The following RSU1 variants were observed in gnomAD, a reference collection of about 807,000 sequenced individuals.
RSU1 encodes rsu-1.
RSU1 carries 26 observed loss-of-function variants against 31.1 expected under a neutral mutation model. That is an observed-to-expected ratio of 0.84 (90% confidence interval 0.61 to 1.16). The LOEUF (loss-of-function observed/expected upper bound fraction) is 1.16. RSU1 is among the 50% of genes most tolerant of loss of function. RSU1 has a pLI of 0.00. For missense variants in RSU1, 320 were observed against 339.1 expected (o/e 0.94, Z 0.44); for synonymous variants, 164 against 136.3 (o/e 1.20, Z -1.41).
intron 2 of RSU1, among the ~76,000 whole-genome samples, chr10:16,790,388 G>A (rs1222472947): frequency 2.0e-5 from 3 of 152,190 alleles, no homozygotes; most frequent in Admixed American, 2.0e-4. Context: ...TTACGGAACA[G>A]AGAATATGGA....
intron 3 of RSU1, among the ~76,000 whole-genome samples, chr10:16,771,264 T>C (rs964775417): frequency 5.3e-5 from 8 of 152,292 alleles, no homozygotes; most frequent in South Asian, 2.1e-4. Flanking sequence ...AAAGCAAACA[T>C]TTCCTTGCCC....
intron 8 of RSU1, among the ~76,000 whole-genome samples, chr10:16,607,229 G>A (rs1833820381): frequency 6.6e-6 from 1 of 152,116 alleles, no homozygotes; most frequent in Non-Finnish European, 1.5e-5. Context: ...CTTCCACCAT[G>A]ATTCTAAGTT....
chr10:16,814,453 AAAAAAAAAAAAAAAAG>A (rs1355973044), intron 2 of RSU1, among the ~76,000 whole-genome samples: 1 of 142,954 alleles, frequency 7.0e-6, no homozygotes, highest in African/African-American at 2.7e-5. Flanking sequence ...GTTTTCAGGA[AAAAAAAAAAAAAAAAG>A]AAAAAAAAAT....
chr10:16,789,466 G>A (rs1031109653), intron 2 of RSU1, among the ~76,000 whole-genome samples: 20 of 152,158 alleles, frequency 1.3e-4, no homozygotes, highest in African/African-American at 3.9e-4. Context: ...CACAAAGCCC[G>A]GTCAGGCAAA....
intron 2 of RSU1, among the ~76,000 whole-genome samples, chr10:16,789,248 G>A (rs968952821): frequency 8.5e-5 from 13 of 152,172 alleles, no homozygotes; most frequent in Middle Eastern, 3.4e-3. Flanking sequence ...AAATTCAGTC[G>A]TTGCTTCAGC....
At chr10:16,810,128 G>A (rs561850890) in intron 2 of RSU1, among the ~76,000 whole-genome samples, 1 of 152,204 alleles carries the variant, frequency 6.6e-6, no homozygotes, top group South Asian at 2.1e-4. Flanking sequence ...CTACTCCAGA[G>A]GCCAAGGCAG....
At chr10:16,731,692 G>A (rs905498731) in intron 7 of RSU1, among the ~76,000 whole-genome samples, 3 of 151,960 alleles carry the variant, frequency 2.0e-5, no homozygotes, top group Non-Finnish European at 2.9e-5. Flanking sequence ...TTCGTTAATC[G>A]ATATTCTAAA....
intron 7 of RSU1, among the ~76,000 whole-genome samples, chr10:16,750,421 A>G (rs1009757992): frequency 2.0e-5 from 3 of 152,206 alleles, no homozygotes; most frequent in African/African-American, 4.8e-5. Flanking sequence ...AAAAATATAC[A>G]TGATTTGTTA....
chr10:16,704,689 T>G (rs1347015325), intron 7 of RSU1, among the ~76,000 whole-genome samples: 1 of 152,238 alleles, frequency 6.6e-6, no homozygotes, highest in Non-Finnish European at 1.5e-5. Context: ...CTGCAGAAAT[T>G]TTATTTTTAA....
chr10:16,796,970 C>G lies in RSU1; in HGVS notation c.110-14886G>C, dbSNP rs140587710. ...GAGAACCCAAGGGGCAACTAACAAA[C>G]TTGACAACTGAGAACCCCCGAATAG... On this transcript the variant is annotated intron_variant, in intron 2 of 8. Transcript: ENST00000345264. Among the ~76,000 whole-genome samples, 518 of 152,334 alleles carry G rather than the reference C, an allele frequency of 3.4e-3. 4 individuals are homozygous for G. Among genetic ancestry groups the G allele is most frequent in the African/African-American group, 0.012 (504 of 41,572 alleles).
At chr10:16,672,890 T>A (rs972239203) in intron 8 of RSU1, among the ~76,000 whole-genome samples, 1 of 152,226 alleles carries the variant, frequency 6.6e-6, no homozygotes. Flanking sequence ...ATGCCAATTG[T>A]TGTCAAATAA....
chr10:16,722,616 A>G (rs1366872289), intron 7 of RSU1, among the ~76,000 whole-genome samples: 1 of 152,164 alleles, frequency 6.6e-6, no homozygotes, highest in African/African-American at 2.4e-5. Flanking sequence ...ATGAGTGAAG[A>G]AATCCAAAAT....
chr10:16,619,190 G>A (rs1474105447), intron 8 of RSU1, among the ~76,000 whole-genome samples: 9 of 152,218 alleles, frequency 5.9e-5, no homozygotes, highest in African/African-American at 2.2e-4. Context: ...GCCTGCTTCA[G>A]AAAAATATTA....
chr10:16,661,283 A>AGTGC (rs772847598), intron 8 of RSU1, among the ~76,000 whole-genome samples: 4 of 115,834 alleles, frequency 3.5e-5, no homozygotes, highest in Admixed American at 1.0e-4. Flanking sequence ...ATATGTAGAG[A>AGTGC]GTGCGTGTGT....
At chr10:16,718,097 T>TAAG (rs1554768708) in intron 7 of RSU1, among the ~76,000 whole-genome samples, 2 of 136,202 alleles carry the variant, frequency 1.5e-5, no homozygotes, top group Non-Finnish European at 3.1e-5. Context: ...TCAATTTATT[T>TAAG]AAAAAAAAAA....
At chr10:16,807,004 C>G (rs1322707400) in intron 2 of RSU1, among the ~76,000 whole-genome samples, 3 of 152,182 alleles carry the variant, frequency 2.0e-5, no homozygotes, top group Non-Finnish European at 4.4e-5. Context: ...GTGACCCACC[C>G]ACGTTGGCCT....
intron 8 of RSU1, among the ~76,000 whole-genome samples, chr10:16,604,992 G>C (rs887043692): frequency 6.6e-6 from 1 of 152,194 alleles, no homozygotes; most frequent in East Asian, 1.9e-4. Flanking sequence ...GAGCCTGCTT[G>C]GGGGAGAAGC....
intron 8 of RSU1, among the ~76,000 whole-genome samples, chr10:16,624,052 G>C (rs148847989): frequency 1.2e-3 from 190 of 152,062 alleles, no homozygotes; most frequent in African/African-American, 4.2e-3. Context: ...TTTGTAAAAA[G>C]GGATTACCCA....
intron 8 of RSU1, among the ~76,000 whole-genome samples, chr10:16,609,400 A>G (rs1281928387): frequency 6.6e-6 from 1 of 152,190 alleles, no homozygotes; most frequent in Non-Finnish European, 1.5e-5. Context: ...GAAGCTTGTC[A>G]TAACAGCCCC....
Sources: allele counts gnomAD v4.1 joint callset (sites outside exome capture counted in the v4.1 genomes callset), GRCh38; gene constraint gnomAD v4.1.1; transcripts MANE v1.5; gene names NCBI Gene and HGNC (gene_info 2026-07-23, HGNC 2026-07-21).